Variants in TMEM63B observed in about 807,000 individuals in gnomAD.
The protein encoded by TMEM63B is mechanosensitive cation channel TMEM63B.
A neutral mutation model predicts 102.6 loss-of-function variants in TMEM63B; 23 were observed. The ratio of observed to expected loss-of-function variants is 0.22; its 90% CI spans 0.16 to 0.32. The LOEUF is 0.32. Among genes scored for constraint, TMEM63B ranks in the 10% least tolerant of loss-of-function variants. The probability of loss-of-function intolerance (pLI) is 1.00; values close to 1 mark genes in which losing one functional copy is unlikely to be tolerated. For missense variants in TMEM63B, 628 were observed against 1,095.9 expected (o/e 0.57, Z 6.03); for synonymous variants, 444 against 437.0 (o/e 1.02, Z -0.20).
intron 5 of TMEM63B, among the ~76,000 whole-genome samples, chr6:44,137,930 C>T (rs915847713): frequency 1.3e-5 from 2 of 152,092 alleles, no homozygotes; most frequent in Non-Finnish European, 2.9e-5. Flanking sequence ...GAACTCCTGA[C>T]CTCAGTTGAT....
chr6:44,147,599 A>G (rs1327614520), intron 12 of TMEM63B, 99 bp downstream of exon 12: 52 of 1,503,148 alleles, frequency 3.5e-5, no homozygotes, highest in Non-Finnish European at 3.9e-5. Flanking sequence ...CTGTCCCTGG[A>G]ATCCTTGAAG....
At chr6:44,147,073 G>C in intron 11 of TMEM63B, 146 bp downstream of exon 11, 4 of 989,030 alleles carry the variant, frequency 4.0e-6, no homozygotes, top group Non-Finnish European at 6.2e-6. Context: ...TGTTAATTCA[G>C]CTCTGGAAAG....
intron 6 of TMEM63B, 146 bp downstream of exon 6, chr6:44,138,663 C>T: frequency 1.1e-6 from 1 of 902,892 alleles, no homozygotes; most frequent in Non-Finnish European, 1.7e-6. Flanking sequence ...AAGGCCAAGC[C>T]TCGGGTGCCT....
chr6:44,138,646 G>A, intron 6 of TMEM63B, 129 bp downstream of exon 6: 1 of 1,065,334 alleles, frequency 9.4e-7, no homozygotes, highest in Non-Finnish European at 1.4e-6. Context: ...CCTCCTCCCT[G>A]CTCTCAAAGG....
At chr6:44,126,750 G>T (rs992139792), upstream of TMEM63B, among the ~76,000 whole-genome samples, 2 of 152,192 alleles carry the variant, frequency 1.3e-5, no homozygotes, top group Non-Finnish European at 2.9e-5. Flanking sequence ...ATCTATTTGT[G>T]TGGGTGATAT....
chr6:44,131,624 C>T (rs555614918), intron 1 of TMEM63B, among the ~76,000 whole-genome samples: 2 of 152,186 alleles, frequency 1.3e-5, no homozygotes, highest in East Asian at 3.9e-4. Flanking sequence ...GAGGCTGAGG[C>T]AGGAGAATCC....
At chr6:44,146,070 A>G (rs1369378197) in intron 10 of TMEM63B, among the ~76,000 whole-genome samples, 1 of 152,186 alleles carries the variant, frequency 6.6e-6, no homozygotes, top group Non-Finnish European at 1.5e-5. Context: ...GTCTTGGGCC[A>G]AAGTTAGAGA....
upstream of TMEM63B, chr6:44,127,168 A>ACCTCCCTCCCCGTCGGGACC (rs1777209044): frequency 1.3e-5 from 1 of 79,416 alleles, no homozygotes; most frequent in Non-Finnish European, 3.0e-5. Context: ...CCCCGTCGGG[A>ACCTCCCTCCCCGTCGGGACC]CCCCCCTCCC....
At chr6:44,151,272 A>T (rs1561822385) in intron 18 of TMEM63B, among the ~76,000 whole-genome samples, 1 of 151,858 alleles carries the variant, frequency 6.6e-6, no homozygotes, top group Non-Finnish European at 1.5e-5. Flanking sequence ...TCATGTGAGG[A>T]TATATTGAAG....
chr6:44,134,309 C>G, intron 1 of TMEM63B: 2 of 453,524 alleles, frequency 4.4e-6, no homozygotes, highest in Non-Finnish European at 7.9e-6. Context: ...ATGAAACCAG[C>G]CTCCCCAGTC....
At chr6:44,133,068 ATATAT>A (rs1236915035) in intron 1 of TMEM63B, among the ~76,000 whole-genome samples, 3 of 152,148 alleles carry the variant, frequency 2.0e-5, no homozygotes, top group African/African-American at 7.2e-5. Flanking sequence ...AAATCATGTA[ATATAT>A]TATTCTTGAA....
At position 44,150,236 on chromosome 6, in the gene TMEM63B, C is replaced by T. The variant is rs1056616016; in HGVS notation, c.1533C>T (p.Asn511=). ...FEAHWTRSGE[N]RTTMHKCYTF... ...CCCCTCCCTCCAGCTCTGGGGAGAACAGGACAACCATGCACAAGTGCTACA... is the reference window on the plus strand; with the variant it reads ...CCCCTCCCTCCAGCTCTGGGGAGAATAGGACAACCATGCACAAGTGCTACA... Residue 511 remains asparagine, a synonymous_variant, in exon 17 of 24, where the codon AAC becomes AAT. Transcript: ENST00000323267. The surrounding 1 kb of genome is among the most constrained non-coding windows in gnomAD (Gnocchi z 4.7). The T allele has an allele frequency of 5.0e-6, 8 of 1,613,914 alleles. 1 individual carries two copies. In the African/African-American group the frequency reaches 1.1e-4, roughly 22 times the overall value.
At chr6:44,136,511 A>G (rs1762986159) in intron 5 of TMEM63B, 72 bp downstream of exon 5, 1 of 1,041,234 alleles carries the variant, frequency 9.6e-7, no homozygotes. Context: ...GAAGTCCCTC[A>G]CTTTCAGTGA....
In TMEM63B at chr6:44,147,308, G is replaced by T. The variant is rs544656137; in HGVS notation, c.864-69G>T. On this transcript the variant is annotated intron_variant, in intron 11 of 23. Transcript: ENST00000323267. ...GACAGCTCCTGTCCTTGGGGAGTGA[G>T]CTAGATGACCCCCAAGCTGAGCCAG... The T allele has an allele frequency of 1.8e-5, 29 of 1,611,678 alleles. No homozygotes were observed. The African/African-American group carries it at 3.7e-4, about 21-fold the overall frequency.
chr6:44,140,169 G>A (rs139506154), intron 8 of TMEM63B, 83 bp from the exon 9 acceptor site: 23,248 of 1,121,704 alleles, frequency 0.021, 305 homozygotes, highest in Non-Finnish European at 0.025. Context: ...TGTATCAAGG[G>A]TTTAACACTG....
chr6:44,134,872 C>A, intron 2 of TMEM63B, 129 bp downstream of exon 2: 1 of 1,484,582 alleles, frequency 6.7e-7, no homozygotes. Flanking sequence ...TCCCCATCAT[C>A]CAGCCCAAGC....
chr6:44,147,232 G>A, intron 11 of TMEM63B, 145 bp from the exon 12 acceptor site: 1 of 1,343,940 alleles, frequency 7.4e-7, no homozygotes, highest in African/African-American at 1.4e-5. Context: ...GATGGGTGGG[G>A]AGACCTTGGG....
intron 1 of TMEM63B, among the ~76,000 whole-genome samples, chr6:44,131,934 C>T (rs928112644): frequency 1.3e-5 from 2 of 152,238 alleles, no homozygotes; most frequent in Non-Finnish European, 2.9e-5. Context: ...AGAACTGCCA[C>T]CTCCCATCCC....
chr6:44,128,696 T>C (rs1462029884), intron 1 of TMEM63B, among the ~76,000 whole-genome samples: 1 of 152,196 alleles, frequency 6.6e-6, no homozygotes, highest in Non-Finnish European at 1.5e-5. Flanking sequence ...CGGGGAGCAA[T>C]GAGGCTGTGC....
Sources: gnomAD v4.1 joint callset for allele counts (sites outside exome capture counted in the v4.1 genomes callset) on GRCh38, gnomAD v4.1.1 for gene constraint, Gnocchi (gnomAD v3.1) non-coding constraint, MANE v1.5 for transcripts, NCBI Gene and HGNC (gene_info 2026-07-23, HGNC 2026-07-21) for gene names.